RBMS3: variants seen among roughly 807,000 people sequenced by gnomAD.
RBMS3 encodes RNA binding motif single stranded interacting protein 3.
RBMS3 carries 27 observed loss-of-function variants against 66.8 expected under a neutral mutation model. The ratio of observed to expected loss-of-function variants is 0.40; its 90% CI spans 0.30 to 0.56. RBMS3 has a LOEUF of 0.56. Ranked by LOEUF, RBMS3 falls within the 20% of genes least tolerant of loss-of-function variation. The pLI is 0.40. For synonymous variants in RBMS3, 188 were observed against 183.0 expected (o/e 1.03, Z -0.22); for missense variants, 513 against 549.5 (o/e 0.93, Z 0.66).
intron 2 of RBMS3, among the ~76,000 whole-genome samples, chr3:29,456,224 T>C (rs2042185326): frequency 6.6e-6 from 1 of 152,226 alleles, no homozygotes; most frequent in Non-Finnish European, 1.5e-5. Flanking sequence ...GAGTTTACTT[T>C]AAAATTATGT....
chr3:29,731,149 A>AC, intron 4 of RBMS3: 5 of 472,628 alleles, frequency 1.1e-5, no homozygotes, highest in Non-Finnish European at 1.4e-5. Context: ...CAGTGGTTCA[A>AC]CACTGGGCAT....
chr3:29,304,189 A>G (rs746462487), intron 1 of RBMS3, among the ~76,000 whole-genome samples: 1 of 151,992 alleles, frequency 6.6e-6, no homozygotes, highest in Non-Finnish European at 1.5e-5. Context: ...TCATAAAAAC[A>G]TGATTCTAAT....
At chr3:29,698,849 T>C (rs977275569) in intron 4 of RBMS3, among the ~76,000 whole-genome samples, 15 of 152,178 alleles carry the variant, frequency 9.9e-5, no homozygotes, top group Admixed American at 3.9e-4. Flanking sequence ...TACTACCATA[T>C]TAAAGACTAT....
chr3:29,530,188 C>CTGTT (rs1241612625), intron 3 of RBMS3, among the ~76,000 whole-genome samples: 1 of 152,160 alleles, frequency 6.6e-6, no homozygotes, highest in African/African-American at 2.4e-5. Flanking sequence ...CCGTTTTAGG[C>CTGTT]TGTTTGTCTG....
At chr3:29,681,312 A>C (rs1311797013) in intron 4 of RBMS3, among the ~76,000 whole-genome samples, 1 of 152,216 alleles carries the variant, frequency 6.6e-6, no homozygotes, top group African/African-American at 2.4e-5. Flanking sequence ...AAATAGCCTC[A>C]TGCTGACTGA....
rs138770904 is a variant in RBMS3, at chr3:29,504,283, C to T, written c.307+15784C>T. Among the ~76,000 whole-genome samples the T allele has an allele frequency of 4.4e-3, 675 of 152,102 alleles. 8 individuals are homozygous for T. The highest frequency in any genetic ancestry group is 0.035 in the South Asian group (166 of 4,804). ...ATGAAGACTTGGCTCTGTCTTGGTC[C>T]AGGGAGCAGCAGCTCATTTAAAGTG... is the stretch of plus-strand genomic sequence containing the variant. On this transcript the variant is annotated intron_variant, in intron 3 of 14. Coordinates refer to ENST00000383767, the MANE Select transcript of RBMS3 (RefSeq NM_001003793.3).
chr3:29,866,929 T>C (rs2059377845), intron 6 of RBMS3, among the ~76,000 whole-genome samples: 1 of 152,166 alleles, frequency 6.6e-6, no homozygotes, highest in South Asian at 2.1e-4. Context: ...GCTCTCTCTA[T>C]ACAGAACTGT....
intron 6 of RBMS3, among the ~76,000 whole-genome samples, chr3:29,786,375 C>T (rs2056819343): frequency 6.6e-6 from 1 of 152,014 alleles, no homozygotes; most frequent in Admixed American, 6.6e-5. Context: ...CAAAACAGAG[C>T]CCATTAGCTA....
chr3:29,504,650 T>C (rs921706826), intron 3 of RBMS3, among the ~76,000 whole-genome samples: 2 of 152,104 alleles, frequency 1.3e-5, no homozygotes, highest in East Asian at 1.9e-4. Flanking sequence ...CTATTTTTAA[T>C]TTTTTGAGAA....
At chr3:29,812,589 C>A (rs748546344) in intron 6 of RBMS3, among the ~76,000 whole-genome samples, 1 of 152,178 alleles carries the variant, frequency 6.6e-6, no homozygotes, top group Non-Finnish European at 1.5e-5. Context: ...GTGTTGGGAT[C>A]CAGTCTGCCC....
At chr3:29,392,049 A>G (rs2039323455) in intron 1 of RBMS3, among the ~76,000 whole-genome samples, 2 of 152,124 alleles carry the variant, frequency 1.3e-5, no homozygotes, top group Admixed American at 6.5e-5. Context: ...CAGGAGTTCA[A>G]GACCAACTTG....
chr3:29,964,928 T>A (rs1256453139), intron 12 of RBMS3, among the ~76,000 whole-genome samples: 5 of 152,106 alleles, frequency 3.3e-5, no homozygotes, highest in Admixed American at 2.0e-4. Context: ...TGCCTTTTTG[T>A]CCTCATAGCT....
intron 3 of RBMS3, among the ~76,000 whole-genome samples, chr3:29,534,003 A>T (rs2045460694): frequency 6.6e-6 from 1 of 152,202 alleles, no homozygotes; most frequent in Non-Finnish European, 1.5e-5. Flanking sequence ...TGTTCATGGA[A>T]ATGTAAACAC....
intron 4 of RBMS3, chr3:29,698,324 G>C: frequency 1.0e-6 from 1 of 985,324 alleles, no homozygotes; most frequent in Non-Finnish European, 1.2e-6. Context: ...ACAATCCTTT[G>C]CTTTTATTGG....
At chr3:29,731,773 G>T (rs945461975) in intron 4 of RBMS3, among the ~76,000 whole-genome samples, 4 of 151,964 alleles carry the variant, frequency 2.6e-5, no homozygotes, top group Non-Finnish European at 4.4e-5. Context: ...TATTAGTCAG[G>T]GTTCTTCAGA....
chr3:29,737,016 G>A (rs892502464), intron 4 of RBMS3, among the ~76,000 whole-genome samples: 17 of 151,488 alleles, frequency 1.1e-4, no homozygotes, highest in Admixed American at 8.6e-4. Context: ...TCTCGCTGTC[G>A]CCCAGGCTGG....
Position 29,760,345 on chromosome 3 carries a change from A to G in RBMS3, c.558-2565A>G, listed in dbSNP as rs530968290. Among the ~76,000 whole-genome samples, 25 of 152,102 alleles carry G rather than the reference A, an allele frequency of 1.6e-4. 1 individual carries two copies. In the South Asian group the frequency reaches 5.2e-3, roughly 32 times the overall value. On this transcript the variant is annotated intron_variant, in intron 5 of 14. Coordinates refer to ENST00000383767, the MANE Select transcript of RBMS3 (RefSeq NM_001003793.3). ...ATTTATAATTCCATGCCATTTTAAG[A>G]CAAAGGATTTGATTTGTAGGACTCT...
chr3:29,737,078 G>A (rs1343031133), intron 4 of RBMS3, among the ~76,000 whole-genome samples: 1 of 151,888 alleles, frequency 6.6e-6, no homozygotes, highest in African/African-American at 2.4e-5. Context: ...CCGGGTTCAC[G>A]CCATTCTCCT....
intron 6 of RBMS3, among the ~76,000 whole-genome samples, chr3:29,782,618 A>C (rs867605833): frequency 3.9e-5 from 6 of 152,192 alleles, no homozygotes; most frequent in African/African-American, 1.4e-4. Context: ...ATGACAAAAC[A>C]AGCTTCTTTA....
Sources: gnomAD v4.1 joint callset for allele counts (sites outside exome capture counted in the v4.1 genomes callset) on GRCh38, gnomAD v4.1.1 for gene constraint, MANE v1.5 for transcripts, NCBI Gene and HGNC (gene_info 2026-07-23, HGNC 2026-07-21) for gene names.